CACNA1G: variants seen among roughly 807,000 people sequenced by gnomAD.
CACNA1G encodes voltage-dependent T-type calcium channel subunit alpha-1G.
A neutral mutation model predicts 219.4 loss-of-function variants in CACNA1G; 67 were observed. The ratio of observed to expected loss-of-function variants is 0.31; its 90% CI spans 0.25 to 0.37. The LOEUF (loss-of-function observed/expected upper bound fraction) is 0.37, where lower values mean the gene tolerates loss of function less well. Among genes scored for constraint, CACNA1G ranks in the 10% least tolerant of loss-of-function variants. The pLI, the probability that CACNA1G is intolerant of heterozygous loss-of-function variation, is 1.00. For synonymous variants in CACNA1G, 1,296 were observed against 1,345.3 expected (o/e 0.96, Z 0.80); for missense variants, 2,380 against 3,231.4 (o/e 0.74, Z 6.39).
At position 50,576,278 on chromosome 17, in the gene CACNA1G, C is replaced by A. The variant is rs746184364; in HGVS notation, c.1876C>A (p.Pro626Thr). 3 of 1,585,772 alleles carry A rather than the reference C, an allele frequency of 1.9e-6. No homozygotes were observed. The East Asian group carries it at 6.9e-5, about 37-fold the overall frequency. Residue 626 changes from proline (P) to threonine (T), a missense_variant, in exon 8 of 38, where the codon CCC becomes ACC. Physicochemically the swap from Pro to Thr is conservative, Grantham distance 38. Coordinates refer to ENST00000359106, the MANE Select transcript of CACNA1G (RefSeq NM_018896.5). ...PPTLTSLNIPPGPYSSMHKLL... is the reference protein window; with the variant it reads ...PPTLTSLNIPTGPYSSMHKLL... ...AACCCTCACCAGCCTCAACATCCCA[C>A]CCGGGCCCTACAGCTCCATGCACAA... is the stretch of plus-strand genomic sequence containing the variant.
chr17:50,568,758 C>A, intron 1 of CACNA1G, 112 bp from the exon 2 acceptor site: 1 of 810,010 alleles, frequency 1.2e-6, no homozygotes. Flanking sequence ...GGCACCACAC[C>A]TGCTTAGCCT....
intron 2 of CACNA1G, 55 bp from the exon 3 acceptor site, chr17:50,569,110 G>A: frequency 6.3e-7 from 1 of 1,595,406 alleles, no homozygotes; most frequent in Non-Finnish European, 8.6e-7. Context: ...GGTGGGACTA[G>A]AGGGTATTCC....
At chr17:50,581,710 GAGA>G (rs915187092) in intron 9 of CACNA1G, among the ~76,000 whole-genome samples, 23 of 152,234 alleles carry the variant, frequency 1.5e-4, no homozygotes, top group African/African-American at 5.5e-4. Context: ...GAGGGCTGGT[GAGA>G]AGGACAAGAA....
Position 50,621,903 on chromosome 17 carries a change from T to C in CACNA1G, c.6060+109T>C. ...CTGGGGCCGCCTCCTCTCAGTTTGC[T>C]GCCAGGCTCCACCCAGAGGCATCAA... is the stretch of plus-strand genomic sequence containing the variant. On this transcript the variant is annotated intron_variant, in intron 35 of 37. Transcript: ENST00000359106. This position sits in a 1 kb window ranked among gnomAD's most constrained non-coding sequence, Gnocchi z 4.6. The C allele has an allele frequency of 8.1e-7, 1 of 1,239,640 alleles. No homozygotes were observed. Among genetic ancestry groups the C allele is most frequent in the Non-Finnish European group, 1.1e-6 (1 of 877,480 alleles). The allele number at this position is 1,239,640 out of a possible 1,614,324, so 76.8% of individuals were successfully genotyped here.
chr17:50,576,062 C>T lies in CACNA1G; in HGVS notation c.1660C>T (p.His554Tyr). 2 of 1,583,432 alleles carry T rather than the reference C, an allele frequency of 1.3e-6. No individual in the cohort carries two copies. The highest frequency in any genetic ancestry group is 2.3e-5 in the South Asian group (2 of 86,430). Reference sequence around the variant, plus strand: ...CCCCCCTGGTGGCGCAGAGTCTGTGCACAGCTTCTACCATGCCGACTGCCA... The same window carrying T: ...CCCCCCTGGTGGCGCAGAGTCTGTGTACAGCTTCTACCATGCCGACTGCCA... Reference protein sequence around the residue: ...GAPPGGAESVHSFYHADCHLE... With the variant: ...GAPPGGAESVYSFYHADCHLE... The change falls in exon 8 of 38, where the codon CAC becomes TAC. Residue 554 changes from histidine to tyrosine, a missense_variant. Physicochemically the swap from His to Tyr is moderately conservative, Grantham distance 83. Transcript: ENST00000359106.
chr17:50,592,762 C>T (rs1481280526), intron 13 of CACNA1G, among the ~76,000 whole-genome samples: 1 of 152,202 alleles, frequency 6.6e-6, no homozygotes, highest in Admixed American at 6.5e-5. Flanking sequence ...CACCCGAGCC[C>T]CCAGACCCAC....
At chr17:50,567,863 A>G (rs2038340229) in intron 1 of CACNA1G, among the ~76,000 whole-genome samples, 1 of 152,088 alleles carries the variant, frequency 6.6e-6, no homozygotes, top group Admixed American at 6.5e-5. Context: ...ACTGTATGGA[A>G]AGACCCAGGG....
In CACNA1G at chr17:50,578,073, C is replaced by T; in HGVS notation, c.1925-115C>T. On this transcript the variant is annotated intron_variant, in intron 8 of 37. Transcript: ENST00000359106. The surrounding 1 kb of genome is among the most constrained non-coding windows in gnomAD (Gnocchi z 4.5). ...CACCCCTGGCCCACTAAGTGCCTAG[C>T]ACCCCATCACTGTAACAACCCCAGA... The T allele has an allele frequency of 3.1e-6, 4 of 1,281,228 alleles. No homozygotes were observed. Among genetic ancestry groups the T allele is most frequent in the Non-Finnish European group, 3.1e-6 (3 of 956,948 alleles). The allele number at this position is 1,281,228 out of a possible 1,614,324, so 79.4% of individuals were successfully genotyped here.
At chr17:50,611,492 C>T (rs1162731520) in intron 26 of CACNA1G, among the ~76,000 whole-genome samples, 1 of 152,126 alleles carries the variant, frequency 6.6e-6, no homozygotes, top group Non-Finnish European at 1.5e-5. Context: ...AGGCCCTCAG[C>T]GCTATGGCCC....
At position 50,599,647 on chromosome 17, in the gene CACNA1G, C is replaced by T; in HGVS notation, c.3478C>T (p.His1160Tyr). The T allele has an allele frequency of 6.2e-7, 1 of 1,613,074 alleles. No homozygotes were observed. Among genetic ancestry groups the T allele is most frequent in the South Asian group, 1.1e-5 (1 of 90,918 alleles). Residue 1160 changes from histidine to tyrosine, a missense_variant, in exon 17 of 38, where the codon CAC (histidine) becomes TAC (tyrosine). Transcript: ENST00000359106. The part of the protein sequence containing the change: ...RASPAGSDHR[H>Y]RGSLEREAKS... ...CAGCCCTGCGGGCAGTGACCATCGC[C>T]ACAGGGGGTCCCTGGAGCGGGAGGC...
At position 50,600,530 on chromosome 17, in the gene CACNA1G, A is replaced by T. The variant is rs929618072; in HGVS notation, c.3691-196A>T. Among the ~76,000 whole-genome samples the T allele has an allele frequency of 6.6e-6, 1 of 151,248 alleles. No individual in the cohort carries two copies. The highest frequency in any genetic ancestry group is 2.4e-5 in the African/African-American group (1 of 41,058). On this transcript the variant is annotated intron_variant, in intron 17 of 37. Coordinates refer to ENST00000359106, the MANE Select transcript of CACNA1G (RefSeq NM_018896.5). The surrounding 1 kb of genome is among the most constrained non-coding windows in gnomAD (Gnocchi z 4.1). ...GTGGAGAGGCAAGGGGTCCTCAGGGATGGGGAGGGGGCCTGGCAAGGTTGA... is the reference window on the plus strand; with the variant it reads ...GTGGAGAGGCAAGGGGTCCTCAGGGTTGGGGAGGGGGCCTGGCAAGGTTGA...
chr17:50,622,276 C>T (rs2052348408), intron 35 of CACNA1G, among the ~76,000 whole-genome samples: 1 of 150,820 alleles, frequency 6.6e-6, no homozygotes, highest in Non-Finnish European at 1.5e-5. Context: ...TCACTTGGAG[C>T]GCTGTTCCTG....
chr17:50,578,282 C>T lies in CACNA1G; in HGVS notation c.2019C>T (p.Ala673=), dbSNP rs528125125. The T allele has an allele frequency of 5.1e-5, 82 of 1,612,906 alleles. No individual in the cohort carries two copies. In the South Asian group the frequency reaches 6.0e-4, roughly 12 times the overall value. Residue 673 remains alanine, a synonymous_variant, in exon 9 of 38, where the codon GCC becomes GCT. Transcript: ENST00000359106. The surrounding 1 kb of genome is among the most constrained non-coding windows in gnomAD (Gnocchi z 4.5). ...ACAGCTGCCCCTACTGTGCCCGGGC[C>T]GGGGCAGGGGAGGTGGAGCTCGCCG... is the stretch of plus-strand genomic sequence containing the variant. ...GPDSCPYCAR[A]GAGEVELADR...
At position 50,576,309 on chromosome 17, in the gene CACNA1G, T is replaced by G; in HGVS notation, c.1907T>G (p.Leu636Arg). Residue 636 changes from leucine (L) to arginine (R), a missense_variant, in exon 8 of 38, where the codon CTG becomes CGG. By Grantham distance (102) the Leu-to-Arg change is moderately radical (BLOSUM62 -2). Coordinates refer to ENST00000359106, the MANE Select transcript of CACNA1G (RefSeq NM_018896.5). ...PGPYSSMHKLLETQSTGACQS... is the reference protein window; with the variant it reads ...PGPYSSMHKLRETQSTGACQS... ...CCCTACAGCTCCATGCACAAGCTGC[T>G]GGAGACACAGAGTACAGGTGAGAAC... 6.4e-7 allele frequency: 1 copy of G among 1,574,692 alleles called. No homozygotes were observed. Among genetic ancestry groups the G allele is most frequent in the Non-Finnish European group, 8.6e-7 (1 of 1,160,360 alleles).
intron 28 of CACNA1G, among the ~76,000 whole-genome samples, chr17:50,616,999 C>A (rs751519714): frequency 1.3e-5 from 2 of 152,208 alleles, no homozygotes; most frequent in African/African-American, 2.4e-5. Flanking sequence ...CACTGCCACA[C>A]GCAGCTAATT....
intron 10 of CACNA1G, 40 bp downstream of exon 10, chr17:50,590,662 G>T: frequency 6.7e-7 from 1 of 1,494,602 alleles, no homozygotes; most frequent in Non-Finnish European, 8.9e-7. Context: ...GTTGAGGAAT[G>T]GTAGCAGGGG....
At chr17:50,606,173 C>A (rs532445310) in intron 23 of CACNA1G, 150 bp downstream of exon 23, 1 of 1,135,370 alleles carries the variant, frequency 8.8e-7, no homozygotes, top group South Asian at 1.2e-5. Context: ...ACCAGCATGT[C>A]GCAAAGCCCA....
chr17:50,590,336 G>A lies in CACNA1G; in HGVS notation c.2302-135G>A, dbSNP rs1340764461. On this transcript the variant is annotated intron_variant, in intron 9 of 37. Coordinates refer to ENST00000359106, the MANE Select transcript of CACNA1G (RefSeq NM_018896.5). Reference sequence around the variant, plus strand: ...CTTTGGGGCAGGGTCCTCCCCATGGGCCTGAGCATCCAGCAACCCCTCCGC... The same window carrying A: ...CTTTGGGGCAGGGTCCTCCCCATGGACCTGAGCATCCAGCAACCCCTCCGC... The A allele has an allele frequency of 7.1e-6, 7 of 989,952 alleles. No homozygotes were observed. The East Asian group carries it at 1.0e-4, about 14-fold the overall frequency. The allele number at this position is 989,952 out of a possible 1,614,324, so 61.3% of individuals were successfully genotyped here.
chr17:50,578,660 C>T lies in CACNA1G; in HGVS notation c.2301+96C>T. 1 of 1,277,578 alleles carries T rather than the reference C, an allele frequency of 7.8e-7. No individual in the cohort carries two copies. Among genetic ancestry groups the T allele is most frequent in the Middle Eastern group, 2.0e-4 (1 of 5,084 alleles). The allele number at this position is 1,277,578 out of a possible 1,614,324, so 79.1% of individuals were successfully genotyped here. A position where few individuals can be genotyped will look rare whatever the true frequency, so the allele number is the denominator to read the frequency against. On this transcript the variant is annotated intron_variant, in intron 9 of 37. Coordinates refer to ENST00000359106, the MANE Select transcript of CACNA1G (RefSeq NM_018896.5). This position sits in a 1 kb window ranked among gnomAD's most constrained non-coding sequence, Gnocchi z 4.5. ...TCCGCACCCCTCCTCCTGAGCTCAG[C>T]TTCCTCTCCATGCTGCTAGCCCACC...
Sources: gnomAD v4.1 joint callset for allele counts (sites outside exome capture counted in the v4.1 genomes callset) on GRCh38, gnomAD v4.1.1 for gene constraint, Gnocchi (gnomAD v3.1) non-coding constraint, MANE v1.5 for transcripts, NCBI Gene and HGNC (gene_info 2026-07-23, HGNC 2026-07-21) for gene names.